Variants in MINK1 observed in about 807,000 individuals in gnomAD.
The protein encoded by MINK1 is misshapen like kinase 1.
MINK1 carries 46 observed loss-of-function variants against 178.4 expected under a neutral mutation model. That is an observed-to-expected ratio of 0.26 (90% CI 0.20 to 0.33). The LOEUF (loss-of-function observed/expected upper bound fraction) is 0.33. Ranked by LOEUF, MINK1 falls within the 10% of genes least tolerant of loss-of-function variation. MINK1 has a pLI of 1.00. For synonymous variants in MINK1, 797 were observed against 709.7 expected (o/e 1.12, Z -1.96); for missense variants, 1,366 against 1,814.9 (o/e 0.75, Z 4.49).
chr17:4,859,360 C>T (rs1913741917), intron 1 of MINK1: 1 of 927,388 alleles, frequency 1.1e-6, no homozygotes. Flanking sequence ...CTACCTGCTT[C>T]CCCTGCAGTT....
intron 1 of MINK1, among the ~76,000 whole-genome samples, chr17:4,846,641 T>C (rs8077539): frequency 0.24 from 36,763 of 152,104 alleles, 5,224 homozygotes; most frequent in African/African-American, 0.4. Context: ...TTGAAGTGTT[T>C]GTGTTTAAAG....
At position 4,887,804 on chromosome 17, in the gene MINK1, G is replaced by A. The variant is rs1161869159; in HGVS notation, c.1230+14G>A. On this transcript the variant is annotated intron_variant, in intron 12 of 31. Coordinates refer to ENST00000355280, the MANE Select transcript of MINK1 (RefSeq NM_153827.5). The surrounding 1 kb of genome is among the most constrained non-coding windows in gnomAD (Gnocchi z 7.6). Reference sequence around the variant, plus strand: ...CGCGTGGAGGAGGTGGGCTGTCTCCGAAGGGCCCAGGCCTGGCGCGGCCTC... The same window carrying A: ...CGCGTGGAGGAGGTGGGCTGTCTCCAAAGGGCCCAGGCCTGGCGCGGCCTC... 1.1e-5 allele frequency: 17 copies of A among 1,491,942 alleles called. No homozygotes were observed. The highest frequency in any genetic ancestry group is 4.2e-5 in the African/African-American group (3 of 71,102). The allele number at this position is 1,491,942 out of a possible 1,614,324, so 92.4% of individuals were successfully genotyped here. A position where few individuals can be genotyped will look rare whatever the true frequency, so the allele number is the denominator to read the frequency against.
At chr17:4,860,097 C>T (rs1408710990) in intron 1 of MINK1, among the ~76,000 whole-genome samples, 1 of 151,854 alleles carries the variant, frequency 6.6e-6, no homozygotes, top group Non-Finnish European at 1.5e-5. Flanking sequence ...GCATGCGGAG[C>T]GGGGTACAGA....
At chr17:4,865,291 G>A (rs775933638) in intron 1 of MINK1, among the ~76,000 whole-genome samples, 21 of 151,974 alleles carry the variant, frequency 1.4e-4, no homozygotes, top group Non-Finnish European at 2.8e-4. Context: ...AAAATTAGCC[G>A]GGTGTAGTGG....
chr17:4,881,095 G>T lies in MINK1; in HGVS notation c.181-37G>T, dbSNP rs1221322763. The T allele has an allele frequency of 4.6e-6, 7 of 1,536,648 alleles. No homozygotes were observed. The Admixed American group carries it at 1.4e-4, about 30-fold the overall frequency. On this transcript the variant is annotated intron_variant, in intron 3 of 31. Coordinates refer to ENST00000355280, the MANE Select transcript of MINK1 (RefSeq NM_153827.5). ...TCGGACCAGCGAGAAGGGAGTGTTGGGGGAGTCTCAGGGCTCAGCTCCTCC... is the reference window on the plus strand; with the variant it reads ...TCGGACCAGCGAGAAGGGAGTGTTGTGGGAGTCTCAGGGCTCAGCTCCTCC...
At chr17:4,837,788 C>T (rs1325404000) in intron 1 of MINK1, among the ~76,000 whole-genome samples, 1 of 152,208 alleles carries the variant, frequency 6.6e-6, no homozygotes, top group Non-Finnish European at 1.5e-5. Flanking sequence ...AACTGTGGAG[C>T]TATGCTTAGC....
intron 31 of MINK1, 176 bp from the exon 32 acceptor site, chr17:4,897,028 C>T (rs539962235): frequency 1.2e-6 from 1 of 867,458 alleles, no homozygotes; most frequent in Non-Finnish European, 1.8e-6. Flanking sequence ...GGTGCACCCT[C>T]TCCCCTAACA....
chr17:4,875,278 T>C (rs1168578884), intron 1 of MINK1, among the ~76,000 whole-genome samples: 3 of 152,112 alleles, frequency 2.0e-5, no homozygotes, highest in South Asian at 4.1e-4. Flanking sequence ...TGACAACACC[T>C]CTCTTTCCTG....
At chr17:4,837,830 A>G (rs1344291065) in intron 1 of MINK1, among the ~76,000 whole-genome samples, 2 of 152,158 alleles carry the variant, frequency 1.3e-5, no homozygotes, top group Non-Finnish European at 2.9e-5. Context: ...CATGGAGCAC[A>G]TTCAAGGAGG....
intron 1 of MINK1, among the ~76,000 whole-genome samples, chr17:4,845,019 C>T (rs576958031): frequency 1.1e-4 from 17 of 152,266 alleles, no homozygotes; most frequent in African/African-American, 4.1e-4. Context: ...CTCTCTGAAC[C>T]CTCCACCTTC....
intron 1 of MINK1, among the ~76,000 whole-genome samples, chr17:4,853,960 G>A (rs1412842104): frequency 2.0e-5 from 3 of 152,092 alleles, no homozygotes; most frequent in Non-Finnish European, 4.4e-5. Flanking sequence ...CCCGAGGCTG[G>A]GGCTGCCCTT....
chr17:4,837,027 A>G (rs960140016), intron 1 of MINK1, among the ~76,000 whole-genome samples: 1 of 152,050 alleles, frequency 6.6e-6, no homozygotes, highest in Non-Finnish European at 1.5e-5. Flanking sequence ...TAAAAAAAAA[A>G]TACAAAAAAA....
intron 1 of MINK1, among the ~76,000 whole-genome samples, chr17:4,839,956 T>C (rs1300651502): frequency 1.0e-5 from 1 of 99,626 alleles, no homozygotes; most frequent in Admixed American, 1.0e-4. Context: ...TGTGTGTGTG[T>C]GTGTGTGTGT....
chr17:4,896,874 G>A lies in MINK1; in HGVS notation c.3915+61G>A, dbSNP rs1221976157. On this transcript the variant is annotated intron_variant, in intron 31 of 31. Transcript: ENST00000355280. The surrounding 1 kb of genome is among the most constrained non-coding windows in gnomAD (Gnocchi z 4.6). ...CCGGCTGCCATGACCCTAGGCCCCT[G>A]GGCAGAGTTCTGGGGAGAGGATGGT... The A allele has an allele frequency of 6.6e-7, 1 of 1,506,948 alleles. No individual in the cohort carries two copies. The highest frequency in any genetic ancestry group is 8.8e-7 in the Non-Finnish European group (1 of 1,130,520). 93.3% of individuals were successfully genotyped at this position (1,506,948 alleles called of 1,614,324 possible). A position where few individuals can be genotyped will look rare whatever the true frequency, so the allele number is the denominator to read the frequency against.
intron 1 of MINK1, among the ~76,000 whole-genome samples, chr17:4,869,477 A>C (rs983821883): frequency 6.7e-6 from 1 of 149,926 alleles, no homozygotes; most frequent in Non-Finnish European, 1.5e-5. Context: ...GGGTCTCGCC[A>C]TGTTGCTCAG....
At chr17:4,866,495 T>G (rs1231497689) in intron 1 of MINK1, among the ~76,000 whole-genome samples, 1 of 151,356 alleles carries the variant, frequency 6.6e-6, no homozygotes, top group East Asian at 1.9e-4. Flanking sequence ...AATTTCTATC[T>G]TACTGAAAGG....
intron 5 of MINK1, 136 bp from the exon 6 acceptor site, chr17:4,884,776 C>T (rs1464200892): frequency 2.7e-5 from 20 of 750,084 alleles, no homozygotes; most frequent in South Asian, 1.4e-4. Flanking sequence ...TGCTTGGGCT[C>T]CTGGTGGAGA....
chr17:4,888,207 C>T (rs1246793758), intron 12 of MINK1, among the ~76,000 whole-genome samples: 3 of 152,066 alleles, frequency 2.0e-5, no homozygotes, highest in African/African-American at 7.2e-5. Flanking sequence ...CAGAGCAAGA[C>T]TCCGTCTCTA....
At position 4,833,787 on chromosome 17, in the gene MINK1, C is replaced by T. The variant is rs1908850988; in HGVS notation, c.57+147C>T. 1.7e-6 allele frequency: 1 copy of T among 598,916 alleles called. No individual in the cohort carries two copies. Among genetic ancestry groups the T allele is most frequent in the Middle Eastern group, 4.6e-4 (1 of 2,178 alleles). 37.1% of individuals were successfully genotyped at this position (598,916 alleles called of 1,614,324 possible). A position where few individuals can be genotyped will look rare whatever the true frequency, so the allele number is the denominator to read the frequency against. ...GACCCGTGCCCCTTTCCCGGACTCC[C>T]GCCGCGGCTGGGCCCCCGCCCTCTG... On this transcript the variant is annotated intron_variant, in intron 1 of 31. Coordinates refer to ENST00000355280, the MANE Select transcript of MINK1 (RefSeq NM_153827.5). The surrounding 1 kb of genome is among the most constrained non-coding windows in gnomAD (Gnocchi z 4.8).
Sources: gnomAD v4.1 joint callset for allele counts (sites outside exome capture counted in the v4.1 genomes callset) on GRCh38, gnomAD v4.1.1 for gene constraint, Gnocchi (gnomAD v3.1) non-coding constraint, MANE v1.5 for transcripts, NCBI Gene and HGNC (gene_info 2026-07-23, HGNC 2026-07-21) for gene names.